Variants in AR observed in about 807,000 individuals in gnomAD.
AR encodes androgen receptor, also known as dihydrotestosterone receptor.
In AR, 8 loss-of-function variants were observed where a neutral mutation model predicts 53.9. That is an observed-to-expected ratio of 0.15 (90% CI 0.09 to 0.27). The LOEUF is 0.27. Among genes scored for constraint, AR ranks in the 10% least tolerant of loss-of-function variants. The probability of loss-of-function intolerance (pLI) is 1.00; values close to 1 mark genes in which losing one functional copy is unlikely to be tolerated. For synonymous variants in AR, 359 were observed against 316.4 expected (o/e 1.13, Z -1.43); for missense variants, 639 against 742.5 (o/e 0.86, Z 1.62).
intron 2 of AR, among the ~76,000 whole-genome samples, chrX:67,674,894 T>C (rs1197091951): frequency 1.8e-5 from 2 of 111,210 alleles, no homozygotes; most frequent in Non-Finnish European, 3.8e-5. Context: ...GCTGGGAATA[T>C]GCTGGGTCAC....
intron 1 of AR, among the ~76,000 whole-genome samples, chrX:67,552,208 A>ATGTT (rs1474304869): frequency 6.3e-5 from 7 of 111,935 alleles, no homozygotes; most frequent in Admixed American, 3.8e-4. Flanking sequence ...GTCCTTAGCA[A>ATGTT]CCAATAATCT....
In AR at chrX:67,721,979, T is replaced by C. The variant is rs1569315827; in HGVS notation, c.2449+16T>C. On this transcript the variant is annotated intron_variant, in intron 6 of 7. Transcript: ENST00000374690. ...TTCAGCATTAGTAAGTGCCTAGAAG[T>C]GCAGGGAATGCCCCCTGAGGGCACA... 8.3e-7 allele frequency: 1 copy of C among 1,207,938 alleles called. No homozygotes were observed. The highest frequency in any genetic ancestry group is 1.1e-6 in the Non-Finnish European group (1 of 894,076).
chrX:67,695,475 C>T, intron 3 of AR: 3 of 754,334 alleles, frequency 4.0e-6, no homozygotes, highest in Non-Finnish European at 4.7e-6. Flanking sequence ...TGCTCTCTCA[C>T]ATCACATGCT....
chrX:67,555,591 G>A (rs1333221985), intron 1 of AR, among the ~76,000 whole-genome samples: 2 of 112,344 alleles, frequency 1.8e-5, no homozygotes, highest in African/African-American at 6.5e-5. Flanking sequence ...TGCCTTCTAA[G>A]TTTCCATTGA....
intron 1 of AR, among the ~76,000 whole-genome samples, chrX:67,590,248 G>T (rs1305465593): frequency 9.0e-6 from 1 of 110,867 alleles, no homozygotes; most frequent in African/African-American, 3.3e-5. Flanking sequence ...TTTTTTTCTT[G>T]GGTTAAGCAG....
intron 5 of AR, among the ~76,000 whole-genome samples, chrX:67,720,293 T>C (rs1602277695): frequency 9.1e-6 from 1 of 109,762 alleles, no homozygotes; most frequent in Admixed American, 9.7e-5. Flanking sequence ...TTTCCCCTTT[T>C]CCCCCTTTCT....
At position 67,544,564 on chromosome X, in the gene AR, C is replaced by A. The variant is rs974016741; in HGVS notation, c.-583C>A. On this transcript the variant is annotated 5_prime_UTR_variant, in exon 1 of 8. Coordinates refer to ENST00000374690, the MANE Select transcript of AR (RefSeq NM_000044.6). Reference sequence around the variant, plus strand: ...ACATTGCAAAGAAGGCTCTTAGGAGCCAGGCGACTGGGGAGCGGCTTCAGC... The same window carrying A: ...ACATTGCAAAGAAGGCTCTTAGGAGACAGGCGACTGGGGAGCGGCTTCAGC... 44 of 163,260 alleles carry A rather than the reference C, an allele frequency of 2.7e-4. No individual in the cohort carries two copies. The highest frequency in any genetic ancestry group is 4.8e-4 in the Non-Finnish European group (42 of 87,529). 13.5% of individuals were successfully genotyped at this position (163,260 alleles called of 1,213,427 possible).
chrX:67,667,109 G>A (rs981486422), intron 2 of AR, among the ~76,000 whole-genome samples: 2 of 111,084 alleles, frequency 1.8e-5, no homozygotes, highest in African/African-American at 6.5e-5. Context: ...GTGCTGGTGC[G>A]GTATTACTCA....
chrX:67,658,006 C>A (rs1299622059), intron 2 of AR, among the ~76,000 whole-genome samples: 1 of 111,790 alleles, frequency 8.9e-6, no homozygotes. Context: ...GGCCCTCTAC[C>A]TGAAGATATC....
chrX:67,566,147 C>T (rs1452668804), intron 1 of AR, among the ~76,000 whole-genome samples: 1 of 111,955 alleles, frequency 8.9e-6, no homozygotes, highest in Non-Finnish European at 1.9e-5. Flanking sequence ...TTTTTTCATT[C>T]TTAGCAATGT....
Position 67,545,120 on chromosome X carries a change from A to C in AR, c.-27A>C, listed in dbSNP as rs1929636029. 8.4e-7 allele frequency: 1 copy of C among 1,188,899 alleles called. No homozygotes were observed. The highest frequency in any genetic ancestry group is 1.9e-5 in the South Asian group (1 of 53,032). On this transcript the variant is annotated 5_prime_UTR_variant, in exon 1 of 8. Transcript: ENST00000374690. ...GAAGGGGAGGCGGGGTAAGGGAAGT[A>C]GGTGGAAGATTCAGCCAAGCTCAAG...
intron 2 of AR, among the ~76,000 whole-genome samples, chrX:67,666,984 T>G (rs1033167438): frequency 9.0e-6 from 1 of 111,446 alleles, no homozygotes; most frequent in Non-Finnish European, 1.9e-5. Context: ...GATGGGTAGT[T>G]TGCAAATAGT....
intron 1 of AR, among the ~76,000 whole-genome samples, chrX:67,642,030 G>C (rs1047426808): frequency 2.7e-5 from 3 of 111,079 alleles, no homozygotes; most frequent in Admixed American, 9.6e-5. Flanking sequence ...TTTTTCATCT[G>C]TACAGTGGAT....
intron 3 of AR, among the ~76,000 whole-genome samples, chrX:67,701,014 C>A (rs1415433248): frequency 9.0e-6 from 1 of 110,659 alleles, no homozygotes; most frequent in Non-Finnish European, 1.9e-5. Context: ...GGAAAGTTGC[C>A]CCAGAGAACA....
chrX:67,718,440 TAGTC>T (rs1222272805), intron 5 of AR, among the ~76,000 whole-genome samples: 1 of 111,929 alleles, frequency 8.9e-6, no homozygotes, highest in Non-Finnish European at 1.9e-5. Context: ...ACTATTTTCT[TAGTC>T]AGCATCTTTG....
intron 2 of AR, among the ~76,000 whole-genome samples, chrX:67,664,983 G>C (rs1253010112): frequency 8.9e-6 from 1 of 112,690 alleles, no homozygotes; most frequent in Non-Finnish European, 1.9e-5. Flanking sequence ...TATTATGGTG[G>C]GAGTGACCCG....
At chrX:67,554,275 G>A (rs1189537334) in intron 1 of AR, among the ~76,000 whole-genome samples, 1 of 111,719 alleles carries the variant, frequency 9.0e-6, no homozygotes, top group African/African-American at 3.3e-5. Flanking sequence ...AGCTATATTA[G>A]GCTTATGTTT....
intron 1 of AR, among the ~76,000 whole-genome samples, chrX:67,619,694 A>C (rs1306176764): frequency 9.0e-6 from 1 of 111,133 alleles, no homozygotes; most frequent in Non-Finnish European, 1.9e-5. Flanking sequence ...GTAAAGACTA[A>C]ATGAGGTTAA....
At chrX:67,721,715 G>T in intron 5 of AR, 118 bp from the exon 6 acceptor site, 3 of 995,760 alleles carry the variant, frequency 3.0e-6, no homozygotes, top group Non-Finnish European at 4.3e-6. Flanking sequence ...AGCACCAGCA[G>T]GAGAAACAGC....
Sources: allele counts gnomAD v4.1 joint callset (sites outside exome capture counted in the v4.1 genomes callset), GRCh38; gene constraint gnomAD v4.1.1; transcripts MANE v1.5; gene names NCBI Gene and HGNC (gene_info 2026-07-23, HGNC 2026-07-21).